Variants in ZFPM2 observed in about 807,000 individuals in gnomAD.
ZFPM2 encodes zinc finger protein, FOG family member 2.
ZFPM2 carries 20 observed loss-of-function variants against 98.6 expected under a neutral mutation model. The observed-to-expected ratio is 0.20, with a 90% CI of 0.14 to 0.29. ZFPM2 has a LOEUF of 0.29. ZFPM2 is among the 10% of genes least tolerant of loss of function. The pLI, the probability that ZFPM2 is intolerant of heterozygous loss-of-function variation, is 1.00. For synonymous variants in ZFPM2, 518 were observed against 502.7 expected (o/e 1.03, Z -0.41); for missense variants, 1,310 against 1,388.6 (o/e 0.94, Z 0.90).
At chr8:105,446,956 G>A (rs1812385840) in intron 3 of ZFPM2, among the ~76,000 whole-genome samples, 1 of 152,052 alleles carries the variant, frequency 6.6e-6, no homozygotes, top group Non-Finnish European at 1.5e-5. Context: ...TTTCGCTATT[G>A]CATAAACAGC....
chr8:105,704,927 G>A (rs551404376), intron 5 of ZFPM2, among the ~76,000 whole-genome samples: 20 of 152,256 alleles, frequency 1.3e-4, no homozygotes, highest in South Asian at 2.1e-4. Context: ...AGTTAGTCTC[G>A]TCTTAGGGAT....
chr8:105,435,430 A>T (rs1233156456), intron 2 of ZFPM2, among the ~76,000 whole-genome samples: 1 of 152,182 alleles, frequency 6.6e-6, no homozygotes, highest in South Asian at 2.1e-4. Flanking sequence ...TTAAAAGTAT[A>T]TGAATAAAAA....
chr8:105,613,808 A>C (rs1327883209), intron 4 of ZFPM2, among the ~76,000 whole-genome samples: 5 of 152,178 alleles, frequency 3.3e-5, no homozygotes, highest in Admixed American at 3.3e-4. Flanking sequence ...AGGGTTCCAG[A>C]ATATCAAATC....
At chr8:105,706,537 A>T (rs1811267873) in intron 5 of ZFPM2, among the ~76,000 whole-genome samples, 3 of 152,024 alleles carry the variant, frequency 2.0e-5, no homozygotes, top group Admixed American at 2.0e-4. Flanking sequence ...GTTCCTGGTA[A>T]TGAGGATAGC....
chr8:105,471,647 G>A (rs1286655117), intron 3 of ZFPM2, among the ~76,000 whole-genome samples: 1 of 152,184 alleles, frequency 6.6e-6, no homozygotes, highest in African/African-American at 2.4e-5. Context: ...TGGTGAGTTG[G>A]AGGAGGTTGA....
At chr8:105,719,971 G>C (rs999456844) in intron 5 of ZFPM2, among the ~76,000 whole-genome samples, 34 of 151,872 alleles carry the variant, frequency 2.2e-4, no homozygotes, top group African/African-American at 8.2e-4. Flanking sequence ...AGAAATAATG[G>C]TATCAAGTTT....
intron 1 of ZFPM2, among the ~76,000 whole-genome samples, chr8:105,408,648 C>T (rs1359168822): frequency 3.3e-5 from 5 of 151,686 alleles, no homozygotes; most frequent in African/African-American, 9.7e-5. Context: ...AAACAATATG[C>T]GGGATCTACA....
intron 1 of ZFPM2, among the ~76,000 whole-genome samples, chr8:105,391,789 A>G (rs1339803438): frequency 1.3e-5 from 2 of 152,178 alleles, no homozygotes. Flanking sequence ...TTTCCAGCCC[A>G]TCTGTAGTTA....
intron 1 of ZFPM2, among the ~76,000 whole-genome samples, chr8:105,337,608 G>T (rs1306913954): frequency 2.0e-5 from 3 of 151,700 alleles, no homozygotes; most frequent in African/African-American, 7.3e-5. Flanking sequence ...GTCAATAACT[G>T]AATATCATGT....
chr8:105,580,451 T>G (rs554299900), intron 4 of ZFPM2, among the ~76,000 whole-genome samples: 1 of 152,314 alleles, frequency 6.6e-6, no homozygotes, highest in African/African-American at 2.4e-5. Context: ...TCATAAATAC[T>G]TATGGTAGGC....
intron 4 of ZFPM2, among the ~76,000 whole-genome samples, chr8:105,572,407 T>A (rs1353836255): frequency 6.6e-6 from 1 of 152,184 alleles, no homozygotes; most frequent in East Asian, 1.9e-4. Context: ...TGAGAAATTA[T>A]TTGAGAAACT....
intron 3 of ZFPM2, among the ~76,000 whole-genome samples, chr8:105,533,466 C>T (rs926594787): frequency 2.6e-5 from 4 of 151,996 alleles, no homozygotes; most frequent in Admixed American, 1.3e-4. Flanking sequence ...AATTAAAATG[C>T]TTCTTATGTA....
At chr8:105,444,619 G>A (rs998497843) in intron 3 of ZFPM2, among the ~76,000 whole-genome samples, 17 of 151,906 alleles carry the variant, frequency 1.1e-4, no homozygotes, top group Admixed American at 9.2e-4. Context: ...TCATCTTCAT[G>A]TAAAATTAGT....
chr8:105,566,433 G>T (rs1417279509), intron 4 of ZFPM2, among the ~76,000 whole-genome samples: 1 of 152,092 alleles, frequency 6.6e-6, no homozygotes, highest in Admixed American at 6.6e-5. Flanking sequence ...TGATGAGGAA[G>T]AAATTTTAAA....
intron 1 of ZFPM2, among the ~76,000 whole-genome samples, chr8:105,343,575 TCACTGAAAG>T (rs1251391281): frequency 2.0e-5 from 3 of 152,156 alleles, no homozygotes; most frequent in African/African-American, 4.8e-5. Flanking sequence ...TACATTCTAC[TCACTGAAAG>T]CACTTTTGAG....
chr8:105,720,291 T>C (rs2130993886), intron 5 of ZFPM2, among the ~76,000 whole-genome samples: 1 of 152,036 alleles, frequency 6.6e-6, no homozygotes, highest in East Asian at 1.9e-4. Context: ...AATGTCCTTC[T>C]CCAACATTTT....
At chr8:105,501,731 C>T (rs1318968862) in intron 3 of ZFPM2, among the ~76,000 whole-genome samples, 7 of 151,984 alleles carry the variant, frequency 4.6e-5, no homozygotes, top group Admixed American at 1.3e-4. Context: ...GTGATCCACC[C>T]GCCTCAGCCT....
At chr8:105,798,500 C>G (rs1430031412) in intron 6 of ZFPM2, 7 of 470,246 alleles carry the variant, frequency 1.5e-5, no homozygotes, top group Non-Finnish European at 2.6e-5. Context: ...ATGTTGGAGT[C>G]TCCTCTTTCT....
intron 4 of ZFPM2, among the ~76,000 whole-genome samples, chr8:105,617,027 A>G (rs1419230427): frequency 3.9e-4 from 22 of 57,140 alleles, no homozygotes; most frequent in Non-Finnish European, 7.9e-4. Context: ...CTCGAAAAAA[A>G]AAAAAAAAAA....
Sources: gnomAD v4.1 joint callset for allele counts (sites outside exome capture counted in the v4.1 genomes callset) on GRCh38, gnomAD v4.1.1 for gene constraint, MANE v1.5 for transcripts, NCBI Gene and HGNC (gene_info 2026-07-23, HGNC 2026-07-21) for gene names.